The following TRA2B variants were observed in gnomAD, a reference collection of about 807,000 sequenced individuals.
TRA2B encodes transformer 2 beta homolog.
Under a neutral mutation model 41.7 loss-of-function variants are expected in TRA2B, and 14 were observed. The observed-to-expected ratio is 0.34, with a 90% CI of 0.22 to 0.53. The LOEUF is 0.53. Among genes scored for constraint, TRA2B ranks in the 20% least tolerant of loss-of-function variants. TRA2B has a pLI of 0.95. For missense variants in TRA2B, 167 were observed against 396.8 expected (o/e 0.42, Z 4.92); for synonymous variants, 130 against 128.8 (o/e 1.01, Z -0.06).
At chr3:185,935,987 A>G (rs1028990450) in intron 1 of TRA2B, 6 of 985,344 alleles carry the variant, frequency 6.1e-6, no homozygotes, top group Non-Finnish European at 7.2e-6. Context: ...ACTAGTAAAA[A>G]GATAACCCAT....
chr3:185,929,073 T>C (rs768340714), intron 1 of TRA2B: 4 of 152,172 alleles, frequency 2.6e-5, no homozygotes, highest in Non-Finnish European at 4.4e-5. Flanking sequence ...TTGTAAGCAA[T>C]CATTTCTTGG....
At chr3:185,923,773 C>A (rs1244144403) in intron 4 of TRA2B, 23 bp downstream of exon 4, 1 of 1,586,898 alleles carries the variant, frequency 6.3e-7, no homozygotes, top group African/African-American at 1.4e-5. Context: ...TGATGGTTTA[C>A]AAAGGAACGG....
intron 1 of TRA2B, among the ~76,000 whole-genome samples, chr3:185,929,228 A>G (rs1015571223): frequency 6.6e-6 from 1 of 152,198 alleles, no homozygotes; most frequent in Non-Finnish European, 1.5e-5. Flanking sequence ...TGGCCATTTA[A>G]CTGGCTGGGA....
intron 5 of TRA2B, among the ~76,000 whole-genome samples, 159 bp downstream of exon 5, chr3:185,921,852 A>C (rs2150112963): frequency 6.6e-6 from 1 of 152,346 alleles, no homozygotes. Context: ...GTAATGGTTG[A>C]ACTTCTACTA....
At position 185,915,269 on chromosome 3, in the gene TRA2B, C is replaced by T. The variant is rs968744205; in HGVS notation, c.*2446G>A. Reference sequence around the variant, plus strand: ...AAAAGCCTAGTATAAAACTATTTAACTTAGCAATCTTCCAAATGAACTTTA... The same window carrying T: ...AAAAGCCTAGTATAAAACTATTTAATTTAGCAATCTTCCAAATGAACTTTA... On this transcript the variant is annotated 3_prime_UTR_variant, in exon 9 of 9. Coordinates refer to ENST00000453386, the MANE Select transcript of TRA2B (RefSeq NM_004593.3). Among the ~76,000 whole-genome samples the T allele has an allele frequency of 6.6e-6, 1 of 152,214 alleles. No homozygotes were observed. The highest frequency in any genetic ancestry group is 1.5e-5 in the Non-Finnish European group (1 of 68,028).
chr3:185,917,769 AT>A (rs1384174598), intron 8 of TRA2B, 44 bp from the exon 9 acceptor site: 2 of 1,587,892 alleles, frequency 1.3e-6, no homozygotes, highest in South Asian at 1.1e-5. Context: ...AAGTGAACTA[AT>A]TATCAAGTAT....
chr3:185,933,992 A>G (rs1744252232), intron 1 of TRA2B, among the ~76,000 whole-genome samples: 1 of 152,158 alleles, frequency 6.6e-6, no homozygotes, highest in African/African-American at 2.4e-5. Context: ...AACCTCCAAA[A>G]CCCAATTCAA....
Position 185,918,369 on chromosome 3 carries a change from T to C in TRA2B, c.852A>G (p.Ser284=), listed in dbSNP as rs745343258. 1.2e-6 allele frequency: 2 copies of C among 1,612,252 alleles called. No homozygotes were observed. Among genetic ancestry groups the C allele is most frequent in the Non-Finnish European group, 8.5e-7 (1 of 1,178,594 alleles). ...CATATTAAGATAAAAACTTACGAGG[T>C]GAGTATGATCGAGATCTGGAACGTG... is the stretch of plus-strand genomic sequence containing the variant. ...YRSRSRSRSY[S]PRRY is the part of the protein sequence containing the mutation. Residue 284 remains serine (S), a synonymous_variant, in exon 8 of 9, where the codon TCA becomes TCG. Coordinates refer to ENST00000453386, the MANE Select transcript of TRA2B (RefSeq NM_004593.3).
intron 1 of TRA2B, chr3:185,934,433 T>A (rs1406324515): frequency 3.0e-6 from 3 of 985,334 alleles, no homozygotes; most frequent in African/African-American, 1.7e-5. Context: ...ACTTACCTTA[T>A]AAAATCACCT....
chr3:185,925,252 T>A, intron 3 of TRA2B: 4 of 470,720 alleles, frequency 8.5e-6, no homozygotes, highest in East Asian at 4.1e-5. Flanking sequence ...AGTTACACCA[T>A]TGTGTCAGTA....
intron 1 of TRA2B, chr3:185,935,436 G>T (rs910139217): frequency 6.1e-6 from 6 of 985,212 alleles, no homozygotes; most frequent in Non-Finnish European, 7.2e-6. Flanking sequence ...GTATTCTATT[G>T]AGTGATCAAA....
Position 185,926,632 on chromosome 3 carries a change from T to G in TRA2B, c.139A>C (p.Arg47=), listed in dbSNP as rs1430972565. The change falls in exon 2 of 9, where the codon AGA becomes CGA. Residue 47 remains arginine, a synonymous_variant. Transcript: ENST00000453386. ...TCAGATCGGGACCTGGACTTTGATC[T>G]GGAACGCCTGGAATCTTCCTTGGAG... The part of the protein sequence containing the change: ...SRSKEDSRRS[R]SKSRSRSESR... 1.2e-6 allele frequency: 2 copies of G among 1,614,182 alleles called. No individual in the cohort carries two copies. The highest frequency in any genetic ancestry group is 1.6e-4 in the Middle Eastern group (1 of 6,062).
chr3:185,934,318 A>G, intron 1 of TRA2B: 7 of 985,278 alleles, frequency 7.1e-6, no homozygotes, highest in Non-Finnish European at 8.4e-6. Flanking sequence ...CTACGTTCGG[A>G]TTTTATTGTA....
chr3:185,917,331 A>C lies in TRA2B; in HGVS notation c.*384T>G. ...ATTGATATGTTAGAAAGAAAAGTAA[A>C]AATCAAACTGTTTATTGTTGCTTTT... On this transcript the variant is annotated 3_prime_UTR_variant, in exon 9 of 9. Transcript: ENST00000453386. The C allele has an allele frequency of 5.0e-6, 1 of 198,614 alleles. No homozygotes were observed. The highest frequency in any genetic ancestry group is 1.3e-4 in the East Asian group (1 of 7,930). 12.3% of individuals were successfully genotyped at this position (198,614 alleles called of 1,614,324 possible).
Position 185,925,767 on chromosome 3 carries a change from T to C in TRA2B, c.171-141A>G, listed in dbSNP as rs933796597. 3.6e-6 allele frequency: 3 copies of C among 842,312 alleles called. No homozygotes were observed. In the African/African-American group the frequency reaches 5.3e-5, roughly 15 times the overall value. 52.2% of individuals were successfully genotyped at this position (842,312 alleles called of 1,614,324 possible). Reference sequence around the variant, plus strand: ...TTACCAATTTAGTAGGATCAATACTTTTCTTCTCTAATTATTTAGTCATTT... The same window carrying C: ...TTACCAATTTAGTAGGATCAATACTCTTCTTCTCTAATTATTTAGTCATTT... On this transcript the variant is annotated intron_variant, in intron 2 of 8. Transcript: ENST00000453386.
chr3:185,935,534 G>T, intron 1 of TRA2B: 2 of 985,468 alleles, frequency 2.0e-6, no homozygotes, highest in Non-Finnish European at 2.4e-6. Flanking sequence ...GTGGGGCACA[G>T]AGGGGTGGGG....
rs766472567 is a variant in TRA2B at position 185,918,412 on chromosome 3, C to G, written c.809G>C (p.Ser270Thr). Reference sequence around the variant, plus strand: ...GGAACGTGATCTGTATCCTCCACGACTATAGTAAGGAGAAGGTGACCGCCT... The same window carrying G: ...GGAACGTGATCTGTATCCTCCACGAGTATAGTAAGGAGAAGGTGACCGCCT... ...YRRRSPSPYY[S>T]RGGYRSRSRS... Residue 270 changes from serine (S) to threonine (T), a missense_variant, in exon 8 of 9, where the codon AGT becomes ACT. By Grantham distance (58) the Ser-to-Thr change is moderately conservative (BLOSUM62 1). This residue lies in a region of TRA2B where 30 missense variants were observed against 46.7 expected (regional missense o/e 0.64). Coordinates refer to ENST00000453386, the MANE Select transcript of TRA2B (RefSeq NM_004593.3). The G allele has an allele frequency of 1.7e-5, 28 of 1,613,596 alleles. No individual in the cohort carries two copies. The South Asian group carries it at 2.9e-4, about 16-fold the overall frequency.
Position 185,923,778 on chromosome 3 carries a change from G to T in TRA2B, c.522+18C>A. 1.9e-6 allele frequency: 3 copies of T among 1,593,054 alleles called. No homozygotes were observed. The highest frequency in any genetic ancestry group is 1.1e-5 in the South Asian group (1 of 86,970). ...ACAATAGAACTGATGGTTTACAAAG[G>T]AACGGGCTTTTACTTACTTCCTTGG... On this transcript the variant is annotated intron_variant, in intron 4 of 8. Coordinates refer to ENST00000453386, the MANE Select transcript of TRA2B (RefSeq NM_004593.3).
intron 1 of TRA2B, chr3:185,936,195 T>A: frequency 1.0e-6 from 1 of 985,410 alleles, no homozygotes; most frequent in Non-Finnish European, 1.2e-6. Flanking sequence ...ACCCAATAAT[T>A]GAATTTTTCT....
Sources: allele counts gnomAD v4.1 joint callset (sites outside exome capture counted in the v4.1 genomes callset), GRCh38; gene constraint gnomAD v4.1.1; regional missense constraint gnomAD v4.1.1; transcripts MANE v1.5; gene names NCBI Gene and HGNC (gene_info 2026-07-23, HGNC 2026-07-21).